PHLDB2: variants seen among roughly 807,000 people sequenced by gnomAD.
The protein encoded by PHLDB2 is pleckstrin homology-like domain family B member 2.
In PHLDB2, 71 loss-of-function variants were observed where a neutral mutation model predicts 123.6. The observed-to-expected ratio is 0.57, with a 90% CI of 0.47 to 0.70. PHLDB2 has a LOEUF of 0.70. Ranked by LOEUF, PHLDB2 falls within the 30% of genes least tolerant of loss-of-function variation. The pLI, the probability that PHLDB2 is intolerant of heterozygous loss-of-function variation, is 0.00. For synonymous variants in PHLDB2, 547 were observed against 541.6 expected (o/e 1.01, Z -0.14); for missense variants, 1,446 against 1,519.5 (o/e 0.95, Z 0.80).
At chr3:111,846,170 T>A (rs2063975541) in intron 2 of PHLDB2, 2 of 417,486 alleles carry the variant, frequency 4.8e-6, no homozygotes, top group African/African-American at 4.0e-5. Flanking sequence ...GTCCAGATGC[T>A]GAAGGATGGG....
At position 111,750,760 on chromosome 3, in the gene PHLDB2, A is replaced by G. The variant is rs541704495; in HGVS notation, c.-49+18057A>G. On this transcript the variant is annotated intron_variant, in intron 1 of 17. Transcript: ENST00000393923. ...CAAGAGCTCAAGATCAGCCTGGGCA[A>G]CATGGTGAAACCCCACCTCTACTAA... 9.3e-4 allele frequency among the ~76,000 whole-genome samples: 142 copies of G among 152,244 alleles called. 2 individuals carry two copies. Among genetic ancestry groups the G allele is most frequent in the East Asian group, 6.2e-3 (32 of 5,176 alleles).
chr3:111,876,858 A>G (rs1222005736), intron 1 of PHLDB2, among the ~76,000 whole-genome samples: 2 of 152,154 alleles, frequency 1.3e-5, no homozygotes, highest in African/African-American at 2.4e-5. Context: ...GCTGAGAATT[A>G]TGGTTTCCAG....
At chr3:111,879,620 CTT>C (rs1485846640) in intron 1 of PHLDB2, among the ~76,000 whole-genome samples, 11 of 151,920 alleles carry the variant, frequency 7.2e-5, no homozygotes. Context: ...TAAAGTGTAA[CTT>C]TTTTGAAGTG....
Position 111,814,610 on chromosome 3 carries a change from T to A in PHLDB2, c.-48-31211T>A, listed in dbSNP as rs570474630. ...CATGTAGTGTTATTAACAGAATACC[T>A]GAAATGAAGTATTTATTTAAAAAAA... On this transcript the variant is annotated intron_variant, in intron 1 of 17. Transcript: ENST00000393923. Among the ~76,000 whole-genome samples, 211 of 148,754 alleles carry A rather than the reference T, an allele frequency of 1.4e-3. 3 individuals are homozygous for A. Among genetic ancestry groups the A allele is most frequent in the Non-Finnish European group, 2.6e-3 (174 of 67,450 alleles).
At chr3:111,855,766 A>T (rs1187585184), upstream of PHLDB2, among the ~76,000 whole-genome samples, 2 of 149,662 alleles carry the variant, frequency 1.3e-5, no homozygotes, top group African/African-American at 2.5e-5. Flanking sequence ...AGTAGCTGGG[A>T]CTACAGATGG....
At chr3:111,739,661 C>T (rs570741306) in intron 1 of PHLDB2, among the ~76,000 whole-genome samples, 2 of 151,548 alleles carry the variant, frequency 1.3e-5, no homozygotes, top group South Asian at 4.2e-4. Flanking sequence ...ATCCTGAGAT[C>T]ACCCCTGTCT....
At chr3:111,840,067 G>A (rs1032927391) in intron 1 of PHLDB2, among the ~76,000 whole-genome samples, 1 of 142,240 alleles carries the variant, frequency 7.0e-6, no homozygotes, top group African/African-American at 2.6e-5. Context: ...AGGCAAAATA[G>A]TGAGGCCCCA....
intron 13 of PHLDB2, among the ~76,000 whole-genome samples, chr3:111,963,385 G>A (rs1189275443): frequency 1.3e-5 from 2 of 152,168 alleles, no homozygotes; most frequent in South Asian, 2.1e-4. Context: ...GTAATAATAA[G>A]TATCTGTGTA....
chr3:111,898,374 G>A (rs1020077215), intron 2 of PHLDB2, among the ~76,000 whole-genome samples: 2 of 152,082 alleles, frequency 1.3e-5, no homozygotes, highest in East Asian at 1.9e-4. Flanking sequence ...GTAGAGACAC[G>A]GTTTCACCAT....
At chr3:111,735,466 A>AT (rs146856927) in intron 1 of PHLDB2, among the ~76,000 whole-genome samples, 2,083 of 152,276 alleles carry the variant, frequency 0.014, 19 homozygotes, top group Non-Finnish European at 0.022. Context: ...ATTCCTGAGC[A>AT]TTTACAAGAT....
intron 1 of PHLDB2, among the ~76,000 whole-genome samples, chr3:111,752,419 CACA>C (rs2059796358): frequency 6.6e-6 from 1 of 152,050 alleles, no homozygotes; most frequent in East Asian, 1.9e-4. Flanking sequence ...ATAATGTTTT[CACA>C]TTAATATTTT....
chr3:111,907,479 A>G (rs745424869), intron 2 of PHLDB2, among the ~76,000 whole-genome samples: 1 of 151,976 alleles, frequency 6.6e-6, no homozygotes, highest in Non-Finnish European at 1.5e-5. Flanking sequence ...TAGTACCCAC[A>G]GGTTTTTTGT....
At chr3:111,850,569 C>T (rs2064205414) in intron 2 of PHLDB2, among the ~76,000 whole-genome samples, 1 of 152,046 alleles carries the variant, frequency 6.6e-6, no homozygotes, top group Non-Finnish European at 1.5e-5. Flanking sequence ...AGCTCAAGAC[C>T]AGCCTGGGCA....
chr3:111,968,288 A>G (rs1331143995), intron 15 of PHLDB2, among the ~76,000 whole-genome samples: 3 of 152,196 alleles, frequency 2.0e-5, no homozygotes, highest in African/African-American at 7.2e-5. Flanking sequence ...CACCAAGTCC[A>G]GTGTCTTTGT....
At chr3:111,935,582 G>A (rs1412755249) in intron 6 of PHLDB2, among the ~76,000 whole-genome samples, 1 of 151,974 alleles carries the variant, frequency 6.6e-6, no homozygotes, top group African/African-American at 2.4e-5. Context: ...AAATCACAAG[G>A]TCCCACAACA....
intron 2 of PHLDB2, chr3:111,846,143 T>C: frequency 2.0e-6 from 1 of 510,194 alleles, no homozygotes; most frequent in Non-Finnish European, 3.6e-6. Context: ...TGAAGTCATA[T>C]GCTGAGGTTT....
At chr3:111,904,184 G>A (rs1387287472) in intron 2 of PHLDB2, among the ~76,000 whole-genome samples, 1 of 147,590 alleles carries the variant, frequency 6.8e-6, no homozygotes, top group East Asian at 2.1e-4. Flanking sequence ...AGGCTGAGGT[G>A]GGAGAATTGC....
chr3:111,932,520 A>G, intron 6 of PHLDB2, 123 bp downstream of exon 6: 2 of 989,170 alleles, frequency 2.0e-6, no homozygotes, highest in Middle Eastern at 2.2e-4. Context: ...TAGTCATTAG[A>G]TACGTTTAAA....
At chr3:111,768,699 G>A (rs955283071) in intron 1 of PHLDB2, among the ~76,000 whole-genome samples, 1 of 152,124 alleles carries the variant, frequency 6.6e-6, no homozygotes, top group Non-Finnish European at 1.5e-5. Flanking sequence ...GCCAAACAAA[G>A]GTCCATACGA....
Sources: allele counts gnomAD v4.1 joint callset (sites outside exome capture counted in the v4.1 genomes callset), GRCh38; gene constraint gnomAD v4.1.1; transcripts MANE v1.5; gene names NCBI Gene and HGNC (gene_info 2026-07-23, HGNC 2026-07-21).